The following GALNT9 variants were observed in gnomAD, a reference collection of about 807,000 sequenced individuals.
The protein encoded by GALNT9 is polypeptide N-acetylgalactosaminyltransferase 9, also known as GalNAc transferase 9.
In GALNT9, 47 loss-of-function variants were observed where a neutral mutation model predicts 63.1. The ratio of observed to expected loss-of-function variants is 0.75; its 90% CI spans 0.59 to 0.95. The LOEUF is 0.95. Among genes scored for constraint, GALNT9 ranks in the 40% least tolerant of loss-of-function variants. The probability of loss-of-function intolerance (pLI) is 0.00; values close to 1 mark genes in which losing one functional copy is unlikely to be tolerated. For synonymous variants in GALNT9, 396 were observed against 365.7 expected (o/e 1.08, Z -0.94); for missense variants, 829 against 874.8 (o/e 0.95, Z 0.66).
At position 132,316,307 on chromosome 12, in the gene GALNT9, G is replaced by A. The variant is rs987723836; in HGVS notation, c.238+12659C>T. On this transcript the variant is annotated intron_variant, in intron 1 of 10. Coordinates refer to ENST00000328957, the MANE Select transcript of GALNT9 (RefSeq NM_001122636.2). This position sits in a 1 kb window ranked among gnomAD's most constrained non-coding sequence, Gnocchi z 4.3. The stretch of plus-strand genomic sequence containing the variant: ...CAGCCTGTGGGTTCTTCCCCAGCCC[G>A]ACCCCACGTCCCCATTTCACGATGC... Among the ~76,000 whole-genome samples, 20 of 152,116 alleles carry A rather than the reference G, an allele frequency of 1.3e-4. No homozygotes were observed. Among genetic ancestry groups the A allele is most frequent in the African/African-American group, 4.6e-4 (19 of 41,492 alleles).
chr12:132,204,915 C>T (rs1044354031), intron 6 of GALNT9, among the ~76,000 whole-genome samples: 9 of 152,104 alleles, frequency 5.9e-5, no homozygotes, highest in Admixed American at 3.9e-4. Context: ...CCAGGGCGGG[C>T]ACTGTGCTTG....
intron 6 of GALNT9, among the ~76,000 whole-genome samples, chr12:132,228,816 C>A (rs1877796461): frequency 6.6e-6 from 1 of 152,206 alleles, no homozygotes; most frequent in Admixed American, 6.5e-5. Flanking sequence ...TCCGTCCTGA[C>A]CTTTATTAAG....
intron 1 of GALNT9, among the ~76,000 whole-genome samples, chr12:132,320,291 CACTT>C (rs1161105776): frequency 4.6e-5 from 7 of 152,248 alleles, no homozygotes; most frequent in Non-Finnish European, 1.0e-4. Context: ...GCCGGGACCT[CACTT>C]CCCGGGTTCC....
At chr12:132,207,204 C>T (rs895372565) in intron 6 of GALNT9, among the ~76,000 whole-genome samples, 10 of 152,224 alleles carry the variant, frequency 6.6e-5, no homozygotes, top group African/African-American at 9.6e-5. Context: ...CTCAGTATGG[C>T]GCCGCCTGCT....
In GALNT9 at chr12:132,327,756, G is replaced by C. The variant is rs1361021083; in HGVS notation, c.238+1210C>G. On this transcript the variant is annotated intron_variant, in intron 1 of 10. Transcript: ENST00000328957. The surrounding 1 kb of genome is among the most constrained non-coding windows in gnomAD (Gnocchi z 4.3). Reference sequence around the variant, plus strand: ...GATGGGAAGGCGCTCAGGAAGTCAGGGTGCTCTGAGTCAGACAAAGCTGGG... The same window carrying C: ...GATGGGAAGGCGCTCAGGAAGTCAGCGTGCTCTGAGTCAGACAAAGCTGGG... 6.6e-6 allele frequency among the ~76,000 whole-genome samples: 1 copy of C among 152,102 alleles called. No individual in the cohort carries two copies. The highest frequency in any genetic ancestry group is 1.5e-5 in the Non-Finnish European group (1 of 68,016).
intron 1 of GALNT9, among the ~76,000 whole-genome samples, chr12:132,288,151 C>T (rs1880675859): frequency 6.6e-6 from 1 of 152,162 alleles, no homozygotes; most frequent in South Asian, 2.1e-4. Context: ...AGGATTCCTG[C>T]TATGGGGAGG....
Position 132,329,260 on chromosome 12 carries a change from G to T in GALNT9, c.-57C>A, listed in dbSNP as rs1352336340. The T allele has an allele frequency of 2.0e-6, 3 of 1,510,622 alleles. No homozygotes were observed. The highest frequency in any genetic ancestry group is 2.0e-5 in the Admixed American group (1 of 49,210). 93.6% of individuals were successfully genotyped at this position (1,510,622 alleles called of 1,614,324 possible). A position where few individuals can be genotyped will look rare whatever the true frequency, so the allele number is the denominator to read the frequency against. On this transcript the variant is annotated 5_prime_UTR_variant, in exon 1 of 11. Coordinates refer to ENST00000328957, the MANE Select transcript of GALNT9 (RefSeq NM_001122636.2). ...GGGCATCCCCAGCATCCCCGCCCGG[G>T]CCTGGGCTTCAGCTTCGGCTTCGGG...
At chr12:132,226,045 TAC>T (rs1426407148) in intron 6 of GALNT9, among the ~76,000 whole-genome samples, 1 of 105,636 alleles carries the variant, frequency 9.5e-6, no homozygotes, top group Non-Finnish European at 1.8e-5. Flanking sequence ...ATACACACTA[TAC>T]ACACACCCCA....
chr12:132,261,130 G>C lies in GALNT9; in HGVS notation c.587-8C>G. 2 of 1,550,278 alleles carry C rather than the reference G, an allele frequency of 1.3e-6. No homozygotes were observed. Among genetic ancestry groups the C allele is most frequent in the Non-Finnish European group, 1.7e-6 (2 of 1,146,682 alleles). On this transcript the variant is annotated splice_region_variant and splice_polypyrimidine_tract_variant and intron_variant, in intron 3 of 10. Coordinates refer to ENST00000328957, the MANE Select transcript of GALNT9 (RefSeq NM_001122636.2). ...GATTGAACTTGAGTTCCACTGAGGA[G>C]AGACAAGACTTTAGCACGCTGGCAG... is the stretch of plus-strand genomic sequence containing the variant.
intron 6 of GALNT9, among the ~76,000 whole-genome samples, chr12:132,235,515 A>T (rs1877970823): frequency 6.6e-6 from 1 of 152,032 alleles, no homozygotes; most frequent in Admixed American, 6.5e-5. Context: ...AGGTGGGGAA[A>T]GGTACCCGAC....
intron 6 of GALNT9, chr12:132,240,356 C>A: frequency 2.9e-6 from 1 of 343,118 alleles, no homozygotes; most frequent in Non-Finnish European, 5.8e-6. Context: ...CAGGGAGACC[C>A]CACTGTACAC....
chr12:132,207,429 G>A (rs4077836), intron 6 of GALNT9, among the ~76,000 whole-genome samples: 3,083 of 152,312 alleles, frequency 0.02, 98 homozygotes, highest in African/African-American at 0.066. Context: ...GCGCTGGGGC[G>A]ATTCCACATG....
intron 6 of GALNT9, among the ~76,000 whole-genome samples, chr12:132,210,258 T>C (rs1876895828): frequency 6.6e-6 from 1 of 152,234 alleles, no homozygotes; most frequent in South Asian, 2.1e-4. Flanking sequence ...AAACTCCCCC[T>C]GTACATTCAG....
intron 5 of GALNT9, among the ~76,000 whole-genome samples, chr12:132,251,127 C>T (rs569791704): frequency 1.3e-5 from 2 of 152,218 alleles, no homozygotes; most frequent in Non-Finnish European, 2.9e-5. Flanking sequence ...ACACGGTACA[C>T]GTACGTGCAG....
intron 6 of GALNT9, among the ~76,000 whole-genome samples, chr12:132,243,603 T>G (rs190402338): frequency 1.5e-3 from 222 of 152,068 alleles, no homozygotes; most frequent in Middle Eastern, 0.014. Context: ...TATTTCTATT[T>G]CTCCCGCCTC....
chr12:132,205,152 G>A (rs1190071280), intron 6 of GALNT9, among the ~76,000 whole-genome samples: 2 of 151,996 alleles, frequency 1.3e-5, no homozygotes, highest in Non-Finnish European at 2.9e-5. Flanking sequence ...TCTTAATCAT[G>A]TCTGCAAAGA....
intron 1 of GALNT9, among the ~76,000 whole-genome samples, chr12:132,299,135 C>T (rs1555243572): frequency 2.9e-5 from 4 of 138,296 alleles, no homozygotes; most frequent in East Asian, 2.4e-4. Flanking sequence ...AACCCACTCC[C>T]ACCACACCTA....
intron 6 of GALNT9, chr12:132,205,481 G>C (rs1172675026): frequency 6.6e-6 from 1 of 152,154 alleles, no homozygotes; most frequent in African/African-American, 2.4e-5. Flanking sequence ...CCTGACCCCG[G>C]TCCGGCAACC....
intron 6 of GALNT9, among the ~76,000 whole-genome samples, chr12:132,220,878 G>T (rs1397857448): frequency 6.6e-6 from 1 of 151,784 alleles, no homozygotes; most frequent in Non-Finnish European, 1.5e-5. Context: ...CCAACATGGT[G>T]AAACCCTGTC....
Sources: allele counts gnomAD v4.1 joint callset (sites outside exome capture counted in the v4.1 genomes callset), GRCh38; gene constraint gnomAD v4.1.1; non-coding constraint Gnocchi (gnomAD v3.1); transcripts MANE v1.5; gene names NCBI Gene and HGNC (gene_info 2026-07-23, HGNC 2026-07-21).